LRP1B: variants seen among roughly 807,000 people sequenced by gnomAD.
LRP1B encodes LDL receptor related protein 1B.
A neutral mutation model predicts 556.6 loss-of-function variants in LRP1B; 217 were observed. The observed-to-expected ratio is 0.39, with a 90% CI of 0.35 to 0.44. The LOEUF (loss-of-function observed/expected upper bound fraction) is 0.44, where lower values mean the gene tolerates loss of function less well. Ranked by LOEUF, LRP1B falls within the 20% of genes least tolerant of loss-of-function variation. The pLI, the probability that LRP1B is intolerant of heterozygous loss-of-function variation, is 1.00. For synonymous variants in LRP1B, 2,047 were observed against 1,865.8 expected, an observed-to-expected ratio of 1.10 and a Z score of -2.50; for missense variants, 5,053 against 5,620.8, an observed-to-expected ratio of 0.90 and a Z score of 3.23.
intron 1 of LRP1B, among the ~76,000 whole-genome samples, chr2:142,036,309 T>C (rs1703875443): frequency 6.6e-6 from 1 of 151,698 alleles, no homozygotes; most frequent in South Asian, 2.1e-4. Flanking sequence ...ATCATTGACA[T>C]TTGAAAAGAT....
chr2:140,753,454 A>C (rs768551342), intron 35 of LRP1B, among the ~76,000 whole-genome samples: 1 of 152,170 alleles, frequency 6.6e-6, no homozygotes, highest in Non-Finnish European at 1.5e-5. Flanking sequence ...AGTTTAGACA[A>C]TGTCACTGAT....
At chr2:141,054,022 C>T (rs916592102) in intron 10 of LRP1B, among the ~76,000 whole-genome samples, 10 of 151,870 alleles carry the variant, frequency 6.6e-5, no homozygotes, top group African/African-American at 2.4e-4. Flanking sequence ...GCATTTAATA[C>T]AAAATCAGGA....
At chr2:140,691,406 G>C (rs955933352) in intron 41 of LRP1B, among the ~76,000 whole-genome samples, 6 of 151,202 alleles carry the variant, frequency 4.0e-5, no homozygotes, top group African/African-American at 1.5e-4. Context: ...GGAAGGCGGA[G>C]GTTGTGGTTA....
intron 82 of LRP1B, among the ~76,000 whole-genome samples, chr2:140,315,920 C>T (rs995716994): frequency 3.9e-5 from 6 of 152,124 alleles, no homozygotes; most frequent in African/African-American, 1.4e-4. Context: ...GGTGACAGAA[C>T]AGTGTCAGAA....
chr2:142,002,521 A>G (rs1345359292), intron 1 of LRP1B, among the ~76,000 whole-genome samples: 5 of 151,388 alleles, frequency 3.3e-5, no homozygotes, highest in Non-Finnish European at 7.4e-5. Context: ...CCATCAATTT[A>G]AAATCTATCT....
chr2:140,999,878 G>A (rs370156158), intron 15 of LRP1B, among the ~76,000 whole-genome samples: 2 of 151,948 alleles, frequency 1.3e-5, no homozygotes, highest in Non-Finnish European at 2.9e-5. Context: ...AAACCCATTC[G>A]TGCATCTGGA....
intron 31 of LRP1B, among the ~76,000 whole-genome samples, chr2:140,826,838 A>G (rs1026402975): frequency 2.6e-5 from 4 of 152,172 alleles, no homozygotes; most frequent in African/African-American, 9.7e-5. Context: ...GTGGGATTAG[A>G]AACCTCAGCC....
intron 41 of LRP1B, among the ~76,000 whole-genome samples, chr2:140,645,075 G>A (rs1684432916): frequency 6.6e-6 from 1 of 152,000 alleles, no homozygotes; most frequent in Non-Finnish European, 1.5e-5. Context: ...ACCCAGGTCA[G>A]TTTTCACAGG....
chr2:141,544,350 T>TTTTCTTCTTCTTCTTCTTCTTCTTCC (rs1685445036), intron 2 of LRP1B, among the ~76,000 whole-genome samples: 1 of 86,308 alleles, frequency 1.2e-5, no homozygotes, highest in Admixed American at 1.4e-4. Context: ...CTTCTTCTTC[T>TTTTCTTCTTCTTCTTCTTCTTCTTCC]TCTTCTTCTT....
chr2:141,420,492 T>A (rs1680096653), intron 3 of LRP1B, among the ~76,000 whole-genome samples: 1 of 148,190 alleles, frequency 6.7e-6, no homozygotes, highest in African/African-American at 2.5e-5. Flanking sequence ...TGGCAGCTAC[T>A]TTACCAAAAG....
intron 2 of LRP1B, among the ~76,000 whole-genome samples, chr2:141,793,952 A>G (rs764993441): frequency 4.6e-5 from 7 of 151,860 alleles, no homozygotes; most frequent in Non-Finnish European, 1.0e-4. Flanking sequence ...TTTCCTTTTT[A>G]TAAGTAATGG....
intron 1 of LRP1B, among the ~76,000 whole-genome samples, chr2:141,924,516 A>G (rs958097490): frequency 6.6e-6 from 1 of 152,176 alleles, no homozygotes; most frequent in African/African-American, 2.4e-5. Flanking sequence ...CAGAGGGTCC[A>G]TCGAGCTGGT....
At chr2:142,099,348 TAA>T (rs1479463950) in intron 1 of LRP1B, among the ~76,000 whole-genome samples, 1 of 151,846 alleles carries the variant, frequency 6.6e-6, no homozygotes, top group Non-Finnish European at 1.5e-5. Context: ...CAGGAGGCAA[TAA>T]ATTTTCAAAA....
chr2:141,192,597 C>CT (rs1217184881), intron 6 of LRP1B, among the ~76,000 whole-genome samples: 1 of 151,650 alleles, frequency 6.6e-6, no homozygotes, highest in Non-Finnish European at 1.5e-5. Context: ...GCTACTTATT[C>CT]TTTTTTTCAA....
rs946522615 is a variant in LRP1B at position 140,291,316 on chromosome 2, A to ATTTTTTT, written c.12967+6491_12967+6492insAAAAAAA. Among the ~76,000 whole-genome samples, 221 of 68,750 alleles carry ATTTTTTT rather than the reference A, an allele frequency of 3.2e-3. 2 individuals carry two copies. The highest frequency in any genetic ancestry group is 9.8e-3 in the African/African-American group (203 of 20,662). 45.1% of individuals were successfully genotyped at this position (68,750 alleles called of 152,430 possible). ...TTTTATTTTATATATATATATATATATATTTTTATTATACTTTAAGTTCTA... is the reference window on the plus strand; with the variant it reads ...TTTTATTTTATATATATATATATATATTTTTTTTATTTTTATTATACTTTAAGTTCTA... On this transcript the variant is annotated intron_variant, in intron 84 of 90. Coordinates refer to ENST00000389484, the MANE Select transcript of LRP1B (RefSeq NM_018557.3).
In LRP1B at chr2:140,394,430, G is replaced by C. The variant is rs544798251; in HGVS notation, c.10415-8421C>G. 3.3e-5 allele frequency among the ~76,000 whole-genome samples: 5 copies of C among 152,230 alleles called. No homozygotes were observed. In the East Asian group the frequency reaches 9.7e-4, roughly 29 times the overall value. ...CAGTACAGGGATTGTATGGTGGCCA[G>C]GTGATGTCCTCAGGAACTGACACTT... On this transcript the variant is annotated intron_variant, in intron 66 of 90. Transcript: ENST00000389484.
intron 2 of LRP1B, among the ~76,000 whole-genome samples, chr2:141,679,453 C>T (rs1048368351): frequency 6.6e-6 from 1 of 152,144 alleles, no homozygotes; most frequent in South Asian, 2.1e-4. Context: ...CTGATTATAA[C>T]GAGTATTATT....
intron 7 of LRP1B, among the ~76,000 whole-genome samples, chr2:141,094,276 A>G (rs1481043802): frequency 1.3e-5 from 2 of 152,206 alleles, no homozygotes; most frequent in African/African-American, 4.8e-5. Context: ...AAAATATTAA[A>G]TGGCACTAAA....
At chr2:140,306,883 C>A (rs1684091198) in intron 83 of LRP1B, among the ~76,000 whole-genome samples, 1 of 152,050 alleles carries the variant, frequency 6.6e-6, no homozygotes, top group African/African-American at 2.4e-5. Context: ...TTCCAAAGAA[C>A]ATTTTTATTT....
Sources: allele counts gnomAD v4.1 joint callset (sites outside exome capture counted in the v4.1 genomes callset), GRCh38; gene constraint gnomAD v4.1.1; transcripts MANE v1.5; gene names NCBI Gene and HGNC (gene_info 2026-07-23, HGNC 2026-07-21).